Variants in PTK2 observed in about 807,000 individuals in gnomAD.
PTK2 encodes protein tyrosine kinase 2.
A neutral mutation model predicts 150.1 loss-of-function variants in PTK2; 45 were observed. The observed-to-expected ratio is 0.30, with a 90% CI of 0.24 to 0.38. The LOEUF (loss-of-function observed/expected upper bound fraction) is 0.38, where lower values mean the gene tolerates loss of function less well. Among genes scored for constraint, PTK2 ranks in the 10% least tolerant of loss-of-function variants. The pLI is 1.00. For missense variants in PTK2, 919 were observed against 1,307.3 expected, an observed-to-expected ratio of 0.70 and a Z score of 4.58; for synonymous variants, 432 against 449.2, an observed-to-expected ratio of 0.96 and a Z score of 0.48.
intron 27 of PTK2, 98 bp from the exon 31 acceptor site, chr8:140,675,597 G>A: frequency 1.1e-6 from 1 of 900,742 alleles, no homozygotes; most frequent in Admixed American, 2.1e-5. Flanking sequence ...GAACTTCTAG[G>A]CTAGATTCTA....
At chr8:141,001,668 A>G (rs1465942444), upstream of PTK2, among the ~76,000 whole-genome samples, 1 of 151,824 alleles carries the variant, frequency 6.6e-6, no homozygotes, top group Non-Finnish European at 1.5e-5. Context: ...CCAAATCCCG[A>G]AGGGGTCCCC....
At chr8:140,674,218 G>A in intron 29 of PTK2, 80 bp downstream of exon 32, 1 of 1,352,180 alleles carries the variant, frequency 7.4e-7, no homozygotes, top group Non-Finnish European at 1.1e-6. Context: ...TCCACTCTAT[G>A]ACATGAACAC....
At chr8:140,951,136 C>A (rs1435832493) in intron 1 of PTK2, among the ~76,000 whole-genome samples, 8 of 152,090 alleles carry the variant, frequency 5.3e-5, no homozygotes, top group Non-Finnish European at 1.2e-4. Flanking sequence ...CCTTCCCATG[C>A]CACATTAACC....
In PTK2 at chr8:140,671,790, G is replaced by C. The variant is rs566598794; in HGVS notation, c.2709+2508C>G. ...AAAAAAAAAAAAAAAAAATTAGATG[G>C]GCCTGGTGGCGGGTGCCTGTAGTCC... is the stretch of plus-strand genomic sequence containing the variant. On this transcript the variant is annotated intron_variant, in intron 29 of 31. Coordinates refer to ENST00000522684, the Ensembl canonical transcript of PTK2. Among the ~76,000 whole-genome samples the C allele has an allele frequency of 7.3e-5, 11 of 150,640 alleles. No homozygotes were observed. The East Asian group carries it at 1.6e-3, about 21-fold the overall frequency.
chr8:140,762,882 A>G (rs2100070176), intron 15 of PTK2, among the ~76,000 whole-genome samples: 1 of 152,130 alleles, frequency 6.6e-6, no homozygotes, highest in African/African-American at 2.4e-5. Context: ...ACAGGCTCAA[A>G]CAATCCTCAC....
chr8:140,985,836 C>T (rs2100193076), intron 1 of PTK2, among the ~76,000 whole-genome samples: 1 of 152,188 alleles, frequency 6.6e-6, no homozygotes, highest in South Asian at 2.1e-4. Context: ...AATATCAATA[C>T]TTAATAGTTA....
At chr8:140,836,286 T>C (rs1002813892) in intron 7 of PTK2, among the ~76,000 whole-genome samples, 5 of 152,174 alleles carry the variant, frequency 3.3e-5, no homozygotes, top group South Asian at 2.1e-4. Flanking sequence ...CAGGAACCTA[T>C]TGATGTTAAG....
intron 14 of PTK2, among the ~76,000 whole-genome samples, chr8:140,785,267 C>A (rs2100084292): frequency 6.6e-6 from 1 of 152,118 alleles, no homozygotes; most frequent in African/African-American, 2.4e-5. Context: ...CCTCTAAGAC[C>A]CAGCACACCT....
chr8:140,949,193 ACT>A (rs2100178678), intron 1 of PTK2, among the ~76,000 whole-genome samples: 2 of 152,134 alleles, frequency 1.3e-5, no homozygotes, highest in African/African-American at 2.4e-5. Flanking sequence ...TCTCTAGTTT[ACT>A]CTGTTGTAAA....
At chr8:140,971,740 A>T (rs900297746) in intron 1 of PTK2, among the ~76,000 whole-genome samples, 2 of 152,262 alleles carry the variant, frequency 1.3e-5, no homozygotes, top group African/African-American at 4.8e-5. Context: ...TGAAAGTTAA[A>T]ACAAAAAGCA....
chr8:140,818,456 G>C, intron 9 of PTK2, 102 bp from the exon 10 acceptor site: 2 of 1,005,854 alleles, frequency 2.0e-6, no homozygotes, highest in Non-Finnish European at 3.1e-6. Context: ...GCAGGGGCTG[G>C]TTTGGTTTGC....
chr8:140,945,269 T>C (rs372243078), intron 1 of PTK2, among the ~76,000 whole-genome samples: 29 of 152,344 alleles, frequency 1.9e-4, no homozygotes, highest in African/African-American at 6.3e-4. Flanking sequence ...ATATCCTATG[T>C]TCAGGTTTTA....
chr8:140,695,225 C>G (rs2100025800), intron 26 of PTK2, among the ~76,000 whole-genome samples: 1 of 152,100 alleles, frequency 6.6e-6, no homozygotes, highest in Admixed American at 6.6e-5. Flanking sequence ...TCCTCTTGAC[C>G]TCCTATACCA....
chr8:140,943,855 T>A (rs1238839090), intron 1 of PTK2, among the ~76,000 whole-genome samples: 1 of 152,228 alleles, frequency 6.6e-6, no homozygotes, highest in African/African-American at 2.4e-5. Context: ...TTTTGTGTGC[T>A]TACTCTCATT....
intron 1 of PTK2, among the ~76,000 whole-genome samples, chr8:140,962,698 G>C (rs563150282): frequency 3.0e-4 from 45 of 151,892 alleles, no homozygotes; most frequent in Non-Finnish European, 6.2e-4. Context: ...AGAGAATGGC[G>C]TGAATCGGGG....
chr8:140,868,220 T>C (rs942904437), intron 4 of PTK2, among the ~76,000 whole-genome samples: 5 of 152,164 alleles, frequency 3.3e-5, no homozygotes, highest in African/African-American at 1.2e-4. Flanking sequence ...ATAGTCCTGA[T>C]ACTGAGAAGG....
intron 3 of PTK2, among the ~76,000 whole-genome samples, chr8:140,889,129 T>C (rs2100153354): frequency 6.6e-6 from 1 of 151,790 alleles, no homozygotes; most frequent in Non-Finnish European, 1.5e-5. Flanking sequence ...GGCTATCATA[T>C]TTTTAATAAT....
intron 3 of PTK2, among the ~76,000 whole-genome samples, chr8:140,881,171 A>G: frequency 6.6e-6 from 1 of 152,198 alleles, no homozygotes; most frequent in Non-Finnish European, 1.5e-5. Context: ...TTTTGATCCA[A>G]GCCCAGAATT....
chr8:140,812,980 G>T (rs2100102495), intron 10 of PTK2, among the ~76,000 whole-genome samples: 1 of 152,072 alleles, frequency 6.6e-6, no homozygotes, highest in East Asian at 1.9e-4. Flanking sequence ...TCACTGAGAT[G>T]GAAATTAACA....
Sources: gnomAD v4.1 joint callset for allele counts (sites outside exome capture counted in the v4.1 genomes callset) on GRCh38, gnomAD v4.1.1 for gene constraint, MANE v1.5 for transcripts, NCBI Gene and HGNC (gene_info 2026-07-23, HGNC 2026-07-21) for gene names.